GABRB2: variants seen among roughly 807,000 people sequenced by gnomAD.
The protein encoded by GABRB2 is gamma-aminobutyric acid receptor subunit beta-2.
A neutral mutation model predicts 54.7 loss-of-function variants in GABRB2; 16 were observed. That is an observed-to-expected ratio of 0.29 (90% CI 0.20 to 0.44). The LOEUF (loss-of-function observed/expected upper bound fraction) is 0.44. GABRB2 is among the 20% of genes least tolerant of loss of function. The pLI is 1.00. For synonymous variants in GABRB2, 244 were observed against 233.8 expected, an observed-to-expected ratio of 1.04 and a Z score of -0.40; for missense variants, 355 against 644.0, an observed-to-expected ratio of 0.55 and a Z score of 4.86.
chr5:161,506,140 C>A (rs1024161906), intron 3 of GABRB2, among the ~76,000 whole-genome samples: 2 of 151,920 alleles, frequency 1.3e-5, no homozygotes, highest in Non-Finnish European at 2.9e-5. Context: ...AGCAATTATA[C>A]ATCAGGAAAA....
chr5:161,331,246 G>T (rs1753828754), intron 7 of GABRB2, 119 bp from the exon 8 acceptor site: 2 of 1,207,692 alleles, frequency 1.7e-6, no homozygotes, highest in South Asian at 3.6e-5. Flanking sequence ...TCTATTTATT[G>T]GGCCTTTACT....
intron 2 of GABRB2, among the ~76,000 whole-genome samples, chr5:161,546,086 A>G (rs1760978663): frequency 6.6e-6 from 1 of 152,256 alleles, no homozygotes; most frequent in South Asian, 2.1e-4. Context: ...AGTGAAGCTG[A>G]AAGACAGCAG....
chr5:161,325,285 T>C (rs551990623), intron 9 of GABRB2, among the ~76,000 whole-genome samples: 1 of 152,236 alleles, frequency 6.6e-6, no homozygotes, highest in African/African-American at 2.4e-5. Flanking sequence ...TAGTAGGTGA[T>C]GGAATGTTTA....
intron 5 of GABRB2, among the ~76,000 whole-genome samples, chr5:161,339,683 A>C (rs1200738127): frequency 6.6e-6 from 1 of 152,090 alleles, no homozygotes; most frequent in Middle Eastern, 3.2e-3. Context: ...CTTCACAACA[A>C]TCATTTTATA....
chr5:161,546,802 T>TA (rs56867928), upstream of GABRB2: 47,924 of 1,205,328 alleles, frequency 0.04, 61 homozygotes, highest in African/African-American at 0.066. Flanking sequence ...TTTCCTTGTT[T>TA]AAAAAAAAAA....
intron 3 of GABRB2, among the ~76,000 whole-genome samples, chr5:161,527,626 G>GA (rs565202205): frequency 3.3e-5 from 5 of 151,082 alleles, no homozygotes; most frequent in African/African-American, 7.3e-5. Flanking sequence ...AAATCAATAA[G>GA]AAAAAAATGA....
At chr5:161,419,815 G>A (rs1044844608) in intron 4 of GABRB2, among the ~76,000 whole-genome samples, 1 of 152,152 alleles carries the variant, frequency 6.6e-6, no homozygotes, top group Non-Finnish European at 1.5e-5. Flanking sequence ...CAAAAGGCAG[G>A]GAGGTAGGAG....
At chr5:161,353,386 C>T (rs1017603292) in intron 5 of GABRB2, among the ~76,000 whole-genome samples, 1 of 152,082 alleles carries the variant, frequency 6.6e-6, no homozygotes, top group Non-Finnish European at 1.5e-5. Context: ...CCTTTCCAAA[C>T]TTGGTAAACC....
At chr5:161,353,428 A>G (rs1026528837) in intron 5 of GABRB2, among the ~76,000 whole-genome samples, 1 of 152,076 alleles carries the variant, frequency 6.6e-6, no homozygotes, top group Non-Finnish European at 1.5e-5. Context: ...TTCCTTCCAC[A>G]TTGGTTATTG....
At chr5:161,457,481 T>C (rs1047410194) in intron 4 of GABRB2, among the ~76,000 whole-genome samples, 19 of 151,186 alleles carry the variant, frequency 1.3e-4, no homozygotes, top group Admixed American at 9.9e-4. Context: ...AGTCTTGCCA[T>C]GTCACCCAGG....
At chr5:161,339,390 G>A in intron 5 of GABRB2, among the ~76,000 whole-genome samples, 1 of 152,030 alleles carries the variant, frequency 6.6e-6, no homozygotes, top group Non-Finnish European at 1.5e-5. Context: ...TCTACAGACA[G>A]CTAAAGCCTC....
chr5:161,430,318 ATT>A (rs1757140771), intron 4 of GABRB2, among the ~76,000 whole-genome samples: 1 of 152,198 alleles, frequency 6.6e-6, no homozygotes, highest in African/African-American at 2.4e-5. Context: ...AATACAGTAC[ATT>A]TCTTTGAATT....
intron 7 of GABRB2, 105 bp downstream of exon 7, chr5:161,334,647 G>A (rs186872385): frequency 8.6e-7 from 1 of 1,160,694 alleles, no homozygotes; most frequent in African/African-American, 1.5e-5. Context: ...GAGAGGTTCA[G>A]TTGCGTCATG....
At chr5:161,406,784 CT>C (rs1216341107) in intron 5 of GABRB2, among the ~76,000 whole-genome samples, 3 of 152,002 alleles carry the variant, frequency 2.0e-5, no homozygotes, top group Non-Finnish European at 4.4e-5. Flanking sequence ...GTGTGTAGGA[CT>C]TTTTTCTTTT....
chr5:161,485,074 T>G (rs1758877672), intron 3 of GABRB2, among the ~76,000 whole-genome samples: 3 of 151,942 alleles, frequency 2.0e-5, no homozygotes, highest in African/African-American at 7.2e-5. Flanking sequence ...CTTCTCCTCT[T>G]CATTTGAGCA....
At chr5:161,383,864 A>T (rs145878985) in intron 5 of GABRB2, among the ~76,000 whole-genome samples, 1 of 152,256 alleles carries the variant, frequency 6.6e-6, no homozygotes, top group African/African-American at 2.4e-5. Flanking sequence ...TGCTTAAAGT[A>T]TGTATGTATA....
intron 5 of GABRB2, among the ~76,000 whole-genome samples, chr5:161,400,695 C>T (rs750972970): frequency 1.3e-5 from 2 of 152,016 alleles, no homozygotes; most frequent in African/African-American, 4.8e-5. Context: ...TTTGAGAACC[C>T]GTAATGGGAA....
chr5:161,547,127 C>T (rs555764835), upstream of GABRB2: 1 of 152,174 alleles, frequency 6.6e-6, no homozygotes, highest in Admixed American at 6.6e-5. Context: ...TGGTCTCAGC[C>T]GGACACGGGG....
At chr5:161,404,234 A>G (rs1756284084) in intron 5 of GABRB2, among the ~76,000 whole-genome samples, 1 of 152,138 alleles carries the variant, frequency 6.6e-6, no homozygotes, top group Admixed American at 6.6e-5. Flanking sequence ...AAGAATGGAA[A>G]ATAAATTCCT....
Sources: allele counts gnomAD v4.1 joint callset (sites outside exome capture counted in the v4.1 genomes callset), GRCh38; gene constraint gnomAD v4.1.1; transcripts MANE v1.5; gene names NCBI Gene and HGNC (gene_info 2026-07-23, HGNC 2026-07-21).